HYLS1: variants seen among roughly 807,000 people sequenced by gnomAD.
The protein encoded by HYLS1 is HYLS1 centriolar and ciliogenesis associated, also known as centriolar and ciliogenesis-associated protein HYLS1.
In HYLS1, 25 loss-of-function variants were observed where a neutral mutation model predicts 29.4. That is an observed-to-expected ratio of 0.85 (90% CI 0.62 to 1.19). The LOEUF (loss-of-function observed/expected upper bound fraction) is 1.19. Ranked by LOEUF, HYLS1 falls within the 50% of genes most tolerant of loss-of-function variation. The probability of loss-of-function intolerance (pLI) is 0.00; values close to 1 mark genes in which losing one functional copy is unlikely to be tolerated. For missense variants in HYLS1, 352 were observed against 365.1 expected (o/e 0.96, Z 0.29); for synonymous variants, 128 against 126.7 (o/e 1.01, Z -0.07).
chr11:125,896,410 T>A, intron 2 of HYLS1: 1 of 961,428 alleles, frequency 1.0e-6, no homozygotes, highest in Non-Finnish European at 1.5e-6. Context: ...AGATTTAATT[T>A]AATGCCCAAA....
rs113034416 is a variant in HYLS1, at chr11:125,899,841, A to G, written c.473A>G (p.His158Arg). Reference sequence around the variant, plus strand: ...GTTTCACAAAAATTTAACCTACCACATGAATACCAAGGAATTTCTCAAGAT... The same window carrying G: ...GTTTCACAAAAATTTAACCTACCACGTGAATACCAAGGAATTTCTCAAGAT... Reference protein sequence around the residue: ...FDVSQKFNLPHEYQGISQDQL... With the variant: ...FDVSQKFNLPREYQGISQDQL... Residue 158 changes from histidine to arginine, a missense_variant, in exon 3 of 3, where the codon CAT becomes CGT. Physicochemically the swap from His to Arg is conservative, Grantham distance 29 (BLOSUM62 0). Transcript: ENST00000425380. 5 of 1,614,214 alleles carry G rather than the reference A, an allele frequency of 3.1e-6. No individual in the cohort carries two copies. In the African/African-American group the frequency reaches 4.0e-5, roughly 13 times the overall value.
upstream of HYLS1, among the ~76,000 whole-genome samples, chr11:125,884,639 A>G (rs1018034534): frequency 6.6e-6 from 1 of 152,204 alleles, no homozygotes; most frequent in African/African-American, 2.4e-5. Context: ...AAATAGTATT[A>G]TGTTATGCTT....
chr11:125,893,859 C>T (rs369846617), intron 2 of HYLS1: 6 of 1,613,930 alleles, frequency 3.7e-6, no homozygotes, highest in African/African-American at 1.3e-5. Context: ...TTCTCTTCCT[C>T]TAGTGTGTCA....
At chr11:125,885,460 T>C (rs576797636), upstream of HYLS1, among the ~76,000 whole-genome samples, 2 of 145,492 alleles carry the variant, frequency 1.4e-5, no homozygotes, top group South Asian at 4.4e-4. Context: ...CAAAAAAAAT[T>C]AAAAAAAAAA....
In HYLS1 at chr11:125,893,879, C is replaced by T. The variant is rs562248119; in HGVS notation, c.-26+2407C>T. On this transcript the variant is annotated intron_variant, in intron 2 of 2. Transcript: ENST00000425380. ...TTCCTCTAGTGTGTCATTACAGTCC[C>T]TTTTGGCTTTTGTTTCTTCCTCATG... is the stretch of plus-strand genomic sequence containing the variant. 1.2e-5 allele frequency: 19 copies of T among 1,614,094 alleles called. No homozygotes were observed. The East Asian group carries it at 4.0e-4, about 34-fold the overall frequency.
chr11:125,899,259 C>A, intron 2 of HYLS1, 85 bp from the exon 3 acceptor site: 2 of 904,060 alleles, frequency 2.2e-6, no homozygotes, highest in Admixed American at 2.3e-5. Context: ...CTCCATTTGA[C>A]TGCTATAAAA....
chr11:125,898,765 AT>A (rs565353526), intron 2 of HYLS1, among the ~76,000 whole-genome samples: 97 of 147,864 alleles, frequency 6.6e-4, no homozygotes, highest in Admixed American at 6.8e-4. Flanking sequence ...TGCTTTTGTG[AT>A]TTTTTTTTTT....
chr11:125,894,730 A>G (rs895185233), intron 2 of HYLS1, among the ~76,000 whole-genome samples: 8 of 152,224 alleles, frequency 5.3e-5, no homozygotes, highest in South Asian at 4.1e-4. Flanking sequence ...GTACAGTAGG[A>G]TGACTACTCA....
At chr11:125,895,455 T>C (rs1048501650) in intron 2 of HYLS1, 2 of 1,614,042 alleles carry the variant, frequency 1.2e-6, no homozygotes, top group African/African-American at 2.7e-5. Flanking sequence ...AATAGTCCTC[T>C]GAAAATTAAT....
At chr11:125,887,417 ACG>A (rs1311329437), upstream of HYLS1, 1 of 152,238 alleles carries the variant, frequency 6.6e-6, no homozygotes, top group East Asian at 1.9e-4. Flanking sequence ...CGTCGCAGCA[ACG>A]GCTGCTGCCT....
intron 1 of HYLS1, 181 bp downstream of exon 1, chr11:125,887,946 GGC>G (rs1944336667): frequency 5.9e-5 from 9 of 152,552 alleles, no homozygotes; most frequent in African/African-American, 1.9e-4. Flanking sequence ...TGAGGGAGGC[GGC>G]CGGGGCAGCG....
At chr11:125,896,079 A>G in intron 2 of HYLS1, 1 of 1,614,216 alleles carries the variant, frequency 6.2e-7, no homozygotes, top group Non-Finnish European at 8.5e-7. Context: ...CATATAGGCT[A>G]TTCTTAGGGC....
At chr11:125,890,106 C>CT (rs1171450336) in intron 1 of HYLS1, among the ~76,000 whole-genome samples, 73 of 151,922 alleles carry the variant, frequency 4.8e-4, no homozygotes, top group Non-Finnish European at 5.9e-5. Context: ...CCTAGCTAAT[C>CT]TTTTTTCTTT....
At chr11:125,896,254 T>C in intron 2 of HYLS1, 1 of 1,612,466 alleles carries the variant, frequency 6.2e-7, no homozygotes, top group Non-Finnish European at 8.5e-7. Flanking sequence ...AGCTTCTCAG[T>C]CTGGTTTCTG....
intron 2 of HYLS1, chr11:125,894,365 G>A (rs192069796): frequency 4.2e-4 from 512 of 1,212,928 alleles, no homozygotes; most frequent in East Asian, 2.2e-3. Context: ...GGTTAGTTGC[G>A]TTAAGGGAGC....
At chr11:125,898,018 G>A (rs544864377) in intron 2 of HYLS1, among the ~76,000 whole-genome samples, 1 of 152,170 alleles carries the variant, frequency 6.6e-6, no homozygotes, top group South Asian at 2.1e-4. Flanking sequence ...GAAGAATGTC[G>A]GCCTGTGCTG....
intron 2 of HYLS1, among the ~76,000 whole-genome samples, chr11:125,892,161 C>T (rs927620705): frequency 5.9e-5 from 9 of 152,130 alleles, no homozygotes; most frequent in Admixed American, 2.6e-4. Flanking sequence ...ATTATACTAT[C>T]CAATCTAGAA....
intron 2 of HYLS1, chr11:125,895,458 AAATT>A (rs1565453194): frequency 1.2e-6 from 2 of 1,614,156 alleles, no homozygotes; most frequent in Non-Finnish European, 1.7e-6. Context: ...AGTCCTCTGA[AAATT>A]AATCACACCG....
chr11:125,894,071 T>G, intron 2 of HYLS1: 1 of 1,614,204 alleles, frequency 6.2e-7, no homozygotes. Context: ...ATTTCCCCAT[T>G]CTGTCATTCC....
Sources: gnomAD v4.1 joint callset for allele counts (sites outside exome capture counted in the v4.1 genomes callset) on GRCh38, gnomAD v4.1.1 for gene constraint, MANE v1.5 for transcripts, NCBI Gene and HGNC (gene_info 2026-07-23, HGNC 2026-07-21) for gene names.